STEAP1B: variants seen among roughly 807,000 people sequenced by gnomAD.
STEAP1B encodes STEAP family member 1B.
STEAP1B carries 13 observed loss-of-function variants against 27.9 expected under a neutral mutation model. The observed-to-expected ratio is 0.47, with a 90% CI of 0.30 to 0.74. STEAP1B has a LOEUF of 0.74. STEAP1B is among the 30% of genes least tolerant of loss of function. The probability of loss-of-function intolerance (pLI) is 0.06; values close to 1 mark genes in which losing one functional copy is unlikely to be tolerated. For synonymous variants in STEAP1B, 86 were observed against 107.1 expected, an observed-to-expected ratio of 0.80 and a Z score of 1.22; for missense variants, 250 against 298.7, an observed-to-expected ratio of 0.84 and a Z score of 1.20.
At chr7:22,420,103 C>T (rs1785027022) in intron 4 of STEAP1B, among the ~76,000 whole-genome samples, 1 of 152,166 alleles carries the variant, frequency 6.6e-6, no homozygotes, top group Admixed American at 6.5e-5. Flanking sequence ...TACTATCTCT[C>T]TCTCAAACAC....
At chr7:22,443,501 G>C (rs971309444) in intron 4 of STEAP1B, among the ~76,000 whole-genome samples, 2 of 152,206 alleles carry the variant, frequency 1.3e-5, no homozygotes, top group Admixed American at 6.5e-5. Context: ...GTCCAGGAAG[G>C]AAAAGCTGTC....
At chr7:22,460,812 C>G (rs537654429) in intron 4 of STEAP1B, among the ~76,000 whole-genome samples, 1 of 152,268 alleles carries the variant, frequency 6.6e-6, no homozygotes, top group East Asian at 1.9e-4. Flanking sequence ...CTCCTGTGCC[C>G]TCTACCGAAA....
chr7:22,465,529 T>A (rs1785762688), intron 4 of STEAP1B, among the ~76,000 whole-genome samples: 1 of 152,104 alleles, frequency 6.6e-6, no homozygotes, highest in African/African-American at 2.4e-5. Context: ...TAGATTTCCA[T>A]CCTACTAATA....
At chr7:22,498,634 G>C (rs779479897) in intron 1 of STEAP1B, among the ~76,000 whole-genome samples, 1 of 152,222 alleles carries the variant, frequency 6.6e-6, no homozygotes, top group Non-Finnish European at 1.5e-5. Context: ...TGAGGTCTAG[G>C]AGAGAAGGCA....
intron 4 of STEAP1B, among the ~76,000 whole-genome samples, chr7:22,467,511 T>C (rs1292125258): frequency 1.3e-5 from 2 of 152,168 alleles, no homozygotes; most frequent in Non-Finnish European, 2.9e-5. Context: ...TCATCTCAAA[T>C]TGTAGCTCCC....
chr7:22,445,442 G>A (rs1047864236), intron 4 of STEAP1B, among the ~76,000 whole-genome samples: 1 of 152,276 alleles, frequency 6.6e-6, no homozygotes, highest in African/African-American at 2.4e-5. Context: ...GTCGTGCTGG[G>A]ATCTGCCGGC....
At chr7:22,464,948 C>CATATATATAAATATATATATATATAT (rs1785748119) in intron 4 of STEAP1B, among the ~76,000 whole-genome samples, 3 of 45,012 alleles carry the variant, frequency 6.7e-5, no homozygotes, top group African/African-American at 1.7e-4. Context: ...TACCAAACCC[C>CATATATATAAATATATATATATATAT]ATATATATAT....
rs757367174 is a variant in STEAP1B, at chr7:22,493,728, G to C, written c.193C>G (p.Gln65Glu). The C allele has an allele frequency of 7.4e-6, 12 of 1,613,864 alleles. 1 individual carries two copies. The highest frequency in any genetic ancestry group is 5.3e-5 in the African/African-American group (4 of 74,920). The change falls in exon 3 of 5, where the codon CAG (glutamine) becomes GAG (glutamate). Residue 65 changes from glutamine to glutamate, a missense_variant. By Grantham distance (29) the Gln-to-Glu change is conservative. Transcript: ENST00000678116. ...AAGTGCCACTGTGGAAAGAGTTCCTGTGCGTGCTGAAGTTCTGAAGGGCAG... is the reference window on the plus strand; with the variant it reads ...AAGTGCCACTGTGGAAAGAGTTCCTCTGCGTGCTGAAGTTCTGAAGGGCAG... ...FDCPSELQHA[Q>E]ELFPQWHLPI...
intron 4 of STEAP1B, among the ~76,000 whole-genome samples, chr7:22,472,980 T>G (rs879299241): frequency 6.6e-6 from 1 of 152,212 alleles, no homozygotes; most frequent in Non-Finnish European, 1.5e-5. Flanking sequence ...AAGAGCACCC[T>G]CTGCATACTG....
At chr7:22,478,572 TG>T (rs1422329696) in intron 4 of STEAP1B, among the ~76,000 whole-genome samples, 1 of 152,232 alleles carries the variant, frequency 6.6e-6, no homozygotes, top group Non-Finnish European at 1.5e-5. Flanking sequence ...ATTGGGCATT[TG>T]GTTAATGTTA....
chr7:22,499,467 T>C (rs1450575334), intron 1 of STEAP1B, among the ~76,000 whole-genome samples: 1 of 152,240 alleles, frequency 6.6e-6, no homozygotes, highest in Non-Finnish European at 1.5e-5. Flanking sequence ...AACCTTTTAT[T>C]ACACGTCAGG....
intron 4 of STEAP1B, among the ~76,000 whole-genome samples, chr7:22,448,334 T>C (rs906221132): frequency 2.0e-5 from 3 of 152,156 alleles, no homozygotes; most frequent in Admixed American, 1.3e-4. Context: ...CAAAGGAATA[T>C]AGATAGAAAT....
intron 4 of STEAP1B, among the ~76,000 whole-genome samples, chr7:22,456,972 A>ATATTTTTTTTTTTTTTTTTTTTT: frequency 1.8e-5 from 1 of 57,082 alleles, no homozygotes; most frequent in Non-Finnish European, 3.3e-5. Flanking sequence ...ATATATATAT[A>ATATTTTTTTTTTTTTTTTTTTTT]TTTTTTTTTT....
intron 1 of STEAP1B, among the ~76,000 whole-genome samples, chr7:22,498,703 A>G (rs375922914): frequency 6.6e-6 from 1 of 152,226 alleles, no homozygotes; most frequent in Admixed American, 6.5e-5. Context: ...TTTTATAGGC[A>G]GATGGTGGCA....
Position 22,493,729 on chromosome 7 carries a change from T to G in STEAP1B, c.192A>C (p.Ala64=), listed in dbSNP as rs562473757. Residue 64 remains alanine (A), a synonymous_variant, in exon 3 of 5, where the codon GCA becomes GCC. Transcript: ENST00000678116. ...EFDCPSELQH[A]QELFPQWHLP... Reference sequence around the variant, plus strand: ...AGTGCCACTGTGGAAAGAGTTCCTGTGCGTGCTGAAGTTCTGAAGGGCAGT... The same window carrying G: ...AGTGCCACTGTGGAAAGAGTTCCTGGGCGTGCTGAAGTTCTGAAGGGCAGT... The G allele has an allele frequency of 2.3e-5, 37 of 1,613,996 alleles. 1 individual carries two copies. In the South Asian group the frequency reaches 4.0e-4, roughly 17 times the overall value.
chr7:22,429,853 T>C (rs1346412359), intron 4 of STEAP1B, among the ~76,000 whole-genome samples: 9 of 152,198 alleles, frequency 5.9e-5, no homozygotes, highest in Non-Finnish European at 1.3e-4. Flanking sequence ...AAGTAGTGTG[T>C]CCAATGGGCT....
chr7:22,458,566 C>T lies in STEAP1B; in HGVS notation c.762+33999G>A, dbSNP rs982377709. Among the ~76,000 whole-genome samples the T allele has an allele frequency of 3.3e-5, 5 of 152,304 alleles. No individual in the cohort carries two copies. The East Asian group carries it at 5.8e-4, about 18-fold the overall frequency. Reference sequence around the variant, plus strand: ...CAAACTCTACACATCAACCTTTTTTCTCCGCTAGAGTCAGTTGTTAAACAC... The same window carrying T: ...CAAACTCTACACATCAACCTTTTTTTTCCGCTAGAGTCAGTTGTTAAACAC... On this transcript the variant is annotated intron_variant, in intron 4 of 4. Coordinates refer to ENST00000678116, the MANE Select transcript of STEAP1B (RefSeq NM_001382447.1).
intron 4 of STEAP1B, among the ~76,000 whole-genome samples, chr7:22,447,228 C>T (rs527841846): frequency 1.3e-5 from 2 of 152,278 alleles, no homozygotes; most frequent in East Asian, 3.9e-4. Context: ...ATATTAGGCA[C>T]TTTGCACAAG....
intron 4 of STEAP1B, among the ~76,000 whole-genome samples, chr7:22,491,635 G>T (rs897496259): frequency 9.2e-5 from 14 of 152,130 alleles, no homozygotes; most frequent in African/African-American, 1.2e-4. Context: ...ACAAGGCCAT[G>T]GAGTCAAAGT....
Sources: gnomAD v4.1 joint callset for allele counts (sites outside exome capture counted in the v4.1 genomes callset) on GRCh38, gnomAD v4.1.1 for gene constraint, MANE v1.5 for transcripts, NCBI Gene and HGNC (gene_info 2026-07-23, HGNC 2026-07-21) for gene names.